The following PIBF1 variants were observed in gnomAD, a reference collection of about 807,000 sequenced individuals.
PIBF1 encodes progesterone immunomodulatory binding factor 1.
Under a neutral mutation model 112.5 loss-of-function variants are expected in PIBF1, and 90 were observed. That is an observed-to-expected ratio of 0.80 (90% CI 0.67 to 0.95). The LOEUF is 0.95. Ranked by LOEUF, PIBF1 falls within the 40% of genes least tolerant of loss-of-function variation. The pLI is 0.00. For missense variants in PIBF1, 915 were observed against 852.3 expected (o/e 1.07, Z -0.92); for synonymous variants, 301 against 288.6 (o/e 1.04, Z -0.44).
chr13:72,924,957 G>A (rs1490717749), intron 13 of PIBF1, among the ~76,000 whole-genome samples: 1 of 152,164 alleles, frequency 6.6e-6, no homozygotes, highest in East Asian at 1.9e-4. Flanking sequence ...GGAACTCGAC[G>A]GGAGCCTTTA....
intron 10 of PIBF1, among the ~76,000 whole-genome samples, chr13:72,855,726 T>G (rs1352202894): frequency 6.6e-6 from 1 of 152,154 alleles, no homozygotes; most frequent in Non-Finnish European, 1.5e-5. Flanking sequence ...TCAGCTCCTT[T>G]CATTAGAGTT....
Position 72,844,756 on chromosome 13 carries a change from C to CACGGATGAAGTCTTACTGTTT in PIBF1, c.1224-9299_1224-9298insGGATGAAGTCTTACTGTTTAC, listed in dbSNP as rs1555296158. 5.8e-3 allele frequency among the ~76,000 whole-genome samples: 670 copies of CACGGATGAAGTCTTACTGTTT among 115,218 alleles called. 13 individuals are homozygous for CACGGATGAAGTCTTACTGTTT. Among genetic ancestry groups the CACGGATGAAGTCTTACTGTTT allele is most frequent in the South Asian group, 0.01 (31 of 3,098 alleles). The allele number at this position is 115,218 out of a possible 152,430, so 75.6% of individuals were successfully genotyped here. ...ACACACACACACACACACACACACA[C>CACGGATGAAGTCTTACTGTTT]ACACACACACACACACACACACACA... On this transcript the variant is annotated intron_variant, in intron 9 of 17. Coordinates refer to ENST00000326291, the MANE Select transcript of PIBF1 (RefSeq NM_006346.4).
At chr13:73,010,538 G>A (rs2044164322) in intron 17 of PIBF1, among the ~76,000 whole-genome samples, 1 of 152,000 alleles carries the variant, frequency 6.6e-6, no homozygotes, top group African/African-American at 2.4e-5. Flanking sequence ...GGGAGGCGGA[G>A]GTTGCAGTGG....
chr13:72,840,722 C>T (rs1013279595), intron 9 of PIBF1, among the ~76,000 whole-genome samples: 9 of 151,992 alleles, frequency 5.9e-5, no homozygotes, highest in Non-Finnish European at 1.0e-4. Context: ...TGGGGTTTCA[C>T]CATCTGTTGG....
intron 2 of PIBF1, 49 bp downstream of exon 2, chr13:72,783,770 A>G: frequency 6.6e-7 from 1 of 1,516,606 alleles, no homozygotes; most frequent in Admixed American, 1.9e-5. Context: ...TTGTCTTCAA[A>G]CGGCAGGTAA....
chr13:72,838,835 G>A (rs1004023560), intron 9 of PIBF1, among the ~76,000 whole-genome samples: 2 of 152,140 alleles, frequency 1.3e-5, no homozygotes, highest in African/African-American at 4.8e-5. Context: ...TATGAACTAA[G>A]GAAGGAAAGG....
chr13:72,954,635 G>T (rs2042390456), intron 14 of PIBF1, among the ~76,000 whole-genome samples: 2 of 152,202 alleles, frequency 1.3e-5, no homozygotes, highest in Non-Finnish European at 2.9e-5. Flanking sequence ...TTCCCCTGTG[G>T]CCTGGGCTGC....
chr13:72,955,373 TTGTG>T (rs150485983), intron 14 of PIBF1, among the ~76,000 whole-genome samples: 225 of 147,750 alleles, frequency 1.5e-3, no homozygotes, highest in Non-Finnish European at 2.7e-3. Context: ...ATGTGTGTGT[TTGTG>T]TGTGTGTGTG....
At chr13:72,941,465 C>G (rs1289328961) in intron 14 of PIBF1, among the ~76,000 whole-genome samples, 1 of 152,180 alleles carries the variant, frequency 6.6e-6, no homozygotes, top group Admixed American at 6.5e-5. Flanking sequence ...AAATATTTAT[C>G]AATTTCCCAC....
chr13:72,817,945 G>C (rs779030559), intron 5 of PIBF1, among the ~76,000 whole-genome samples: 7 of 152,088 alleles, frequency 4.6e-5, no homozygotes, highest in Non-Finnish European at 1.0e-4. Context: ...AGGGGAAATT[G>C]TCCAATTGAA....
rs555206726 is a variant in PIBF1, at chr13:72,786,128, G to A, written c.252+2407G>A. Among the ~76,000 whole-genome samples, 9 of 152,292 alleles carry A rather than the reference G, an allele frequency of 5.9e-5. No homozygotes were observed. The South Asian group carries it at 1.9e-3, about 32-fold the overall frequency. ...GTATGTAAGCTCATAGATGCTTGGTGTATACTAATAATAAACTTATTATTT... is the reference window on the plus strand; with the variant it reads ...GTATGTAAGCTCATAGATGCTTGGTATATACTAATAATAAACTTATTATTT... On this transcript the variant is annotated intron_variant, in intron 2 of 17. Coordinates refer to ENST00000326291, the MANE Select transcript of PIBF1 (RefSeq NM_006346.4).
At chr13:72,966,997 G>A (rs929325544) in intron 15 of PIBF1, among the ~76,000 whole-genome samples, 7 of 147,752 alleles carry the variant, frequency 4.7e-5, no homozygotes, top group Non-Finnish European at 8.9e-5. Flanking sequence ...GTGCAATGAT[G>A]TGATCTCTGC....
chr13:72,906,119 A>G (rs1257383436), intron 11 of PIBF1, among the ~76,000 whole-genome samples: 1 of 152,260 alleles, frequency 6.6e-6, no homozygotes, highest in Admixed American at 6.5e-5. Flanking sequence ...ATTCTTATTT[A>G]TAATTAATTT....
intron 14 of PIBF1, among the ~76,000 whole-genome samples, chr13:72,949,443 G>T (rs2042240399): frequency 6.6e-6 from 1 of 150,416 alleles, no homozygotes; most frequent in South Asian, 2.1e-4. Context: ...ATCCTCCCCA[G>T]TAGCTGGGAT....
chr13:73,005,299 A>C (rs1332338784), intron 17 of PIBF1, among the ~76,000 whole-genome samples: 1 of 151,568 alleles, frequency 6.6e-6, no homozygotes, highest in African/African-American at 2.4e-5. Flanking sequence ...TTTACCAAAA[A>C]AAAAAAAAAA....
intron 17 of PIBF1, among the ~76,000 whole-genome samples, chr13:73,010,344 TG>T (rs1316602289): frequency 6.7e-5 from 10 of 150,126 alleles, no homozygotes; most frequent in Admixed American, 2.7e-4. Flanking sequence ...GGCTCACACC[TG>T]TAATCCTAGC....
intron 10 of PIBF1, among the ~76,000 whole-genome samples, chr13:72,892,810 GCACACGC>G (rs1566413308): frequency 1.7e-5 from 2 of 117,576 alleles, no homozygotes; most frequent in Non-Finnish European, 3.5e-5. Flanking sequence ...ACACACACAC[GCACACGC>G]ACACACACCC....
intron 5 of PIBF1, 48 bp from the exon 6 acceptor site, chr13:72,821,801 A>G (rs1566313615): frequency 2.7e-6 from 4 of 1,477,808 alleles, no homozygotes; most frequent in East Asian, 2.4e-5. Flanking sequence ...TTGGGCAACT[A>G]TGTTAAGTGT....
intron 10 of PIBF1, among the ~76,000 whole-genome samples, chr13:72,892,818 A>G (rs1214593273): frequency 6.8e-6 from 1 of 146,914 alleles, no homozygotes. Flanking sequence ...ACGCACACGC[A>G]CACACACCCC....
Sources: allele counts gnomAD v4.1 joint callset (sites outside exome capture counted in the v4.1 genomes callset), GRCh38; gene constraint gnomAD v4.1.1; transcripts MANE v1.5; gene names NCBI Gene and HGNC (gene_info 2026-07-23, HGNC 2026-07-21).